SLC17A8: variants seen among roughly 807,000 people sequenced by gnomAD.
SLC17A8 encodes vesicular glutamate transporter 3.
A neutral mutation model predicts 58.0 loss-of-function variants in SLC17A8; 31 were observed. The ratio of observed to expected loss-of-function variants is 0.53; its 90% CI spans 0.40 to 0.72. The LOEUF is 0.72. Ranked by LOEUF, SLC17A8 falls within the 30% of genes least tolerant of loss-of-function variation. SLC17A8 has a pLI of 0.00. For synonymous variants in SLC17A8, 228 were observed against 249.0 expected, an observed-to-expected ratio of 0.92 and a Z score of 0.79; for missense variants, 655 against 727.8, an observed-to-expected ratio of 0.90 and a Z score of 1.15.
At chr12:100,415,501 C>T (rs888767580) in intron 10 of SLC17A8, among the ~76,000 whole-genome samples, 26 of 151,932 alleles carry the variant, frequency 1.7e-4, no homozygotes, top group African/African-American at 4.6e-4. Flanking sequence ...GGCATGATCG[C>T]GGATCATTGC....
intron 1 of SLC17A8, among the ~76,000 whole-genome samples, chr12:100,361,408 C>T (rs1195899043): frequency 6.6e-6 from 1 of 152,196 alleles, no homozygotes; most frequent in Non-Finnish European, 1.5e-5. Context: ...TGCTTTCCTC[C>T]CAGATAGCCT....
At chr12:100,389,720 A>G (rs1433510939) in intron 2 of SLC17A8, among the ~76,000 whole-genome samples, 1 of 150,358 alleles carries the variant, frequency 6.7e-6, no homozygotes, top group East Asian at 2.0e-4. Context: ...ACCTTGACCA[A>G]CTCCTGGGTT....
chr12:100,416,583 A>T (rs1327553847), intron 10 of SLC17A8, among the ~76,000 whole-genome samples: 4 of 152,040 alleles, frequency 2.6e-5, no homozygotes, highest in Non-Finnish European at 5.9e-5. Context: ...AAAGCAAAGG[A>T]AGACAAAAAG....
intron 2 of SLC17A8, among the ~76,000 whole-genome samples, chr12:100,383,781 G>A (rs571432414): frequency 6.6e-5 from 10 of 151,244 alleles, no homozygotes; most frequent in Admixed American, 1.3e-4. Flanking sequence ...ATAGTTCACC[G>A]CAGCCTTGAC....
chr12:100,392,639 A>G (rs371683508), intron 3 of SLC17A8, among the ~76,000 whole-genome samples: 4 of 152,176 alleles, frequency 2.6e-5, no homozygotes, highest in East Asian at 3.8e-4. Context: ...AAAATCACAC[A>G]TAATCTAATT....
chr12:100,374,651 G>T (rs1174531894), intron 1 of SLC17A8, among the ~76,000 whole-genome samples: 1 of 152,014 alleles, frequency 6.6e-6, no homozygotes, highest in East Asian at 1.9e-4. Flanking sequence ...ATCTGACTCT[G>T]AGCCCCCTGC....
intron 1 of SLC17A8, among the ~76,000 whole-genome samples, chr12:100,366,706 G>A (rs1165119113): frequency 6.6e-6 from 1 of 152,196 alleles, no homozygotes; most frequent in Non-Finnish European, 1.5e-5. Flanking sequence ...GCAAGAGAGT[G>A]TGACTTTCCA....
intron 1 of SLC17A8, among the ~76,000 whole-genome samples, chr12:100,368,864 T>C (rs1952539432): frequency 6.6e-6 from 1 of 152,200 alleles, no homozygotes; most frequent in African/African-American, 2.4e-5. Flanking sequence ...CACTACATAT[T>C]AACACATAGA....
At chr12:100,396,542 A>T in intron 5 of SLC17A8, 125 bp downstream of exon 5, 1 of 721,540 alleles carries the variant, frequency 1.4e-6, no homozygotes, top group Non-Finnish European at 2.5e-6. Flanking sequence ...GGAGCCCAGG[A>T]GTTCGAGATC....
intron 2 of SLC17A8, among the ~76,000 whole-genome samples, chr12:100,382,452 A>G (rs573724154): frequency 6.6e-6 from 1 of 152,364 alleles, no homozygotes; most frequent in Admixed American, 6.5e-5. Flanking sequence ...AGAAACAAAC[A>G]AAAATGTCTG....
chr12:100,367,041 A>G (rs1312497982), intron 1 of SLC17A8, among the ~76,000 whole-genome samples: 1 of 152,196 alleles, frequency 6.6e-6, no homozygotes, highest in African/African-American at 2.4e-5. Context: ...TCACCACTGC[A>G]TTCCTTATTA....
At position 100,404,944 on chromosome 12, in the gene SLC17A8, G is replaced by A. The variant is rs530762923; in HGVS notation, c.1186+774G>A. On this transcript the variant is annotated intron_variant, in intron 9 of 11. Coordinates refer to ENST00000323346, the MANE Select transcript of SLC17A8 (RefSeq NM_139319.3). ...GGCTACCCCTCTGGAGGACTAGTCAGGATGAGCGAGCAGGAGGTAGAGGAT... is the reference window on the plus strand; with the variant it reads ...GGCTACCCCTCTGGAGGACTAGTCAAGATGAGCGAGCAGGAGGTAGAGGAT... Among the ~76,000 whole-genome samples the A allele has an allele frequency of 9.2e-5, 14 of 152,356 alleles. No homozygotes were observed. The East Asian group carries it at 2.7e-3, about 29-fold the overall frequency.
At position 100,412,796 on chromosome 12, in the gene SLC17A8, C is replaced by G. The variant is rs138338989; in HGVS notation, c.1213C>G (p.Leu405Val). ...GGFGMEATLL[L>V]VVGFSHTKGV... ...TTTTGGCATGGAGGCAACCTTACTC[C>G]TGGTGGTTGGCTTTTCGCATACCAA... Residue 405 changes from leucine to valine, a missense_variant, in exon 10 of 12, where the codon CTG becomes GTG. Leu to Val is a conservative substitution (Grantham distance 32). Transcript: ENST00000323346. 1.5e-5 allele frequency: 25 copies of G among 1,613,976 alleles called. No homozygotes were observed. In the African/African-American group the frequency reaches 3.1e-4, roughly 20 times the overall value.
At chr12:100,359,148 AT>A (rs1202059604) in intron 1 of SLC17A8, among the ~76,000 whole-genome samples, 1 of 152,206 alleles carries the variant, frequency 6.6e-6, no homozygotes, top group Non-Finnish European at 1.5e-5. Context: ...AAATAAAAAA[AT>A]AAAATAAATT....
In SLC17A8 at chr12:100,357,316, T is replaced by C; in HGVS notation, c.-76T>C. 2 of 860,622 alleles carry C rather than the reference T, an allele frequency of 2.3e-6. 1 individual carries two copies. The highest frequency in any genetic ancestry group is 4.1e-6 in the Non-Finnish European group (2 of 493,348). 53.3% of individuals were successfully genotyped at this position (860,622 alleles called of 1,614,324 possible). On this transcript the variant is annotated 5_prime_UTR_variant, in exon 1 of 12. Coordinates refer to ENST00000323346, the MANE Select transcript of SLC17A8 (RefSeq NM_139319.3). ...TGTTCACCAAGGGAAACAAGGTGGT[T>C]CTCACACTGGAAATGAGGAAGGATG...
At chr12:100,409,787 G>A (rs1324809824) in intron 9 of SLC17A8, among the ~76,000 whole-genome samples, 1 of 152,160 alleles carries the variant, frequency 6.6e-6, no homozygotes, top group Non-Finnish European at 1.5e-5. Flanking sequence ...AATATGTACA[G>A]GCATGAGATA....
chr12:100,420,069 G>A lies in SLC17A8; in HGVS notation c.1680G>A (p.Lys560=). 1 of 1,614,184 alleles carries A rather than the reference G, an allele frequency of 6.2e-7. No individual in the cohort carries two copies. The highest frequency in any genetic ancestry group is 8.5e-7 in the Non-Finnish European group (1 of 1,180,020). ...CCCAGAATTGTGAAGTCCAGAAGAA[G>A]GAATGGAAAGGACAGAGAGGAGCGA... is the stretch of plus-strand genomic sequence containing the variant. ...ATSQNCEVQK[K]EWKGQRGATL... is the part of the protein sequence containing the mutation. Residue 560 remains lysine (K), a synonymous_variant, in exon 12 of 12, where the codon AAG becomes AAA. Transcript: ENST00000323346.
At chr12:100,381,944 C>T (rs573711131) in intron 2 of SLC17A8, among the ~76,000 whole-genome samples, 15 of 152,254 alleles carry the variant, frequency 9.9e-5, no homozygotes, top group Middle Eastern at 3.4e-3. Flanking sequence ...GCTATTTCCA[C>T]GTGGGACACA....
At position 100,393,455 on chromosome 12, in the gene SLC17A8, G is replaced by A; in HGVS notation, c.560G>A (p.Cys187Tyr). 6.2e-7 allele frequency: 1 copy of A among 1,613,548 alleles called. No individual in the cohort carries two copies. The highest frequency in any genetic ancestry group is 1.3e-5 in the African/African-American group (1 of 75,016). ...AGAGTGCATTACGGATGCGTCATGT[G>A]TGTCAGAATTCTGCAAGGTTTAGTG... ...AARVHYGCVMCVRILQGLVEG... is the reference protein window; with the variant it reads ...AARVHYGCVMYVRILQGLVEG... The change falls in exon 4 of 12, where the codon TGT becomes TAT. Residue 187 changes from cysteine to tyrosine, a missense_variant. Physicochemically the swap from Cys to Tyr is radical, Grantham distance 194 (BLOSUM62 -2). Transcript: ENST00000323346.
Sources: allele counts gnomAD v4.1 joint callset (sites outside exome capture counted in the v4.1 genomes callset), GRCh38; gene constraint gnomAD v4.1.1; transcripts MANE v1.5; gene names NCBI Gene and HGNC (gene_info 2026-07-23, HGNC 2026-07-21).